The following PTPN4 variants were observed in gnomAD, a reference collection of about 807,000 sequenced individuals.
PTPN4 encodes the protein protein tyrosine phosphatase non-receptor type 4, also known as tyrosine-protein phosphatase non-receptor type 4.
Under a neutral mutation model 135.5 loss-of-function variants are expected in PTPN4, and 49 were observed. That is an observed-to-expected ratio of 0.36 (90% CI 0.29 to 0.46). The LOEUF (loss-of-function observed/expected upper bound fraction) is 0.46, where lower values mean the gene tolerates loss of function less well. Ranked by LOEUF, PTPN4 falls within the 20% of genes least tolerant of loss-of-function variation. The pLI, the probability that PTPN4 is intolerant of heterozygous loss-of-function variation, is 1.00. For synonymous variants in PTPN4, 333 were observed against 369.9 expected, an observed-to-expected ratio of 0.90 and a Z score of 1.14; for missense variants, 860 against 1,101.0, an observed-to-expected ratio of 0.78 and a Z score of 3.10.
chr2:119,928,981 AT>A (rs1160214290), intron 13 of PTPN4, among the ~76,000 whole-genome samples: 8 of 152,092 alleles, frequency 5.3e-5, no homozygotes, highest in Non-Finnish European at 1.2e-4. Flanking sequence ...TTAGTTGTTC[AT>A]TTTGTGTATT....
At chr2:119,799,243 C>G (rs1026868360) in intron 1 of PTPN4, among the ~76,000 whole-genome samples, 2 of 152,148 alleles carry the variant, frequency 1.3e-5, no homozygotes, top group African/African-American at 4.8e-5. Context: ...TATTTTTAAC[C>G]TCCATAAGTG....
chr2:119,892,949 A>G (rs1436950264), intron 9 of PTPN4, among the ~76,000 whole-genome samples: 2 of 151,706 alleles, frequency 1.3e-5, no homozygotes, highest in Admixed American at 6.6e-5. Flanking sequence ...GCTGATCTCA[A>G]ACTTCTCAGC....
intron 3 of PTPN4, among the ~76,000 whole-genome samples, chr2:119,864,128 G>T (rs1320595627): frequency 6.6e-6 from 1 of 152,114 alleles, no homozygotes; most frequent in Non-Finnish European, 1.5e-5. Flanking sequence ...TGCAAAAATT[G>T]TTCTTCAGGA....
chr2:119,762,403 A>G (rs1180836869), intron 1 of PTPN4, among the ~76,000 whole-genome samples: 1 of 152,150 alleles, frequency 6.6e-6, no homozygotes, highest in Non-Finnish European at 1.5e-5. Flanking sequence ...GTATTTTTAA[A>G]ATAGTTTTGT....
Position 119,982,543 on chromosome 2 carries a change from G to A in PTPN4, c.*5473G>A, listed in dbSNP as rs1348753386. The A allele has an allele frequency of 2.0e-5, 3 of 152,070 alleles. No homozygotes were observed. The highest frequency in any genetic ancestry group is 4.4e-5 in the Non-Finnish European group (3 of 68,008). 9.4% of individuals were successfully genotyped at this position (152,070 alleles called of 1,614,324 possible). On this transcript the variant is annotated 3_prime_UTR_variant, in exon 27 of 27. Transcript: ENST00000263708. ...TATAATGTACATTCTTTTTCATTTT[G>A]CTTTGCCTCTAGAATAGAAACTTTT...
At chr2:119,823,385 C>T (rs1005104795) in intron 2 of PTPN4, among the ~76,000 whole-genome samples, 1 of 152,116 alleles carries the variant, frequency 6.6e-6, no homozygotes, top group African/African-American at 2.4e-5. Context: ...CAGGTGCCCG[C>T]CACCACGCCC....
chr2:119,893,852 T>C (rs1574391506), intron 9 of PTPN4, among the ~76,000 whole-genome samples: 1 of 151,912 alleles, frequency 6.6e-6, no homozygotes, highest in African/African-American at 2.4e-5. Flanking sequence ...TGGTGACTTT[T>C]CAAGAGCAGT....
intron 22 of PTPN4, among the ~76,000 whole-genome samples, chr2:119,957,510 C>T (rs1268258309): frequency 2.0e-5 from 3 of 151,874 alleles, no homozygotes; most frequent in African/African-American, 7.3e-5. Context: ...CACCTCCCAC[C>T]CTCCCAACCC....
In PTPN4 at chr2:119,982,456, T is replaced by C. The variant is rs1326543823; in HGVS notation, c.*5386T>C. ...GAGTATTACACTTCATTGTACAAAA[T>C]GTAATTTTAGAAGAAAAACATTTTC... On this transcript the variant is annotated 3_prime_UTR_variant, in exon 27 of 27. Coordinates refer to ENST00000263708, the MANE Select transcript of PTPN4 (RefSeq NM_002830.4). 4 of 85,804 alleles carry C rather than the reference T, an allele frequency of 4.7e-5. No individual in the cohort carries two copies. In the East Asian group the frequency reaches 1.0e-3, roughly 22 times the overall value. The allele number at this position is 85,804 out of a possible 1,614,324, so 5.3% of individuals were successfully genotyped here. A position where few individuals can be genotyped will look rare whatever the true frequency, so the allele number is the denominator to read the frequency against.
At chr2:119,844,332 G>A (rs1304724980) in intron 2 of PTPN4, among the ~76,000 whole-genome samples, 1 of 101,880 alleles carries the variant, frequency 9.8e-6, no homozygotes, top group African/African-American at 4.2e-5. Flanking sequence ...CGGGGCGGCT[G>A]GCCGGGCGGG....
At chr2:119,928,290 C>T (rs955501217) in intron 13 of PTPN4, among the ~76,000 whole-genome samples, 1 of 152,034 alleles carries the variant, frequency 6.6e-6, no homozygotes, top group African/African-American at 2.4e-5. Flanking sequence ...AGCCACGTCC[C>T]TGCCTCCAGA....
intron 24 of PTPN4, among the ~76,000 whole-genome samples, chr2:119,964,788 CTTT>C (rs1006259331): frequency 6.6e-6 from 1 of 152,078 alleles, no homozygotes; most frequent in Non-Finnish European, 1.5e-5. Flanking sequence ...TTATACATAA[CTTT>C]TGGTGGAGAA....
At chr2:119,901,274 A>T (rs754769522) in intron 10 of PTPN4, among the ~76,000 whole-genome samples, 1 of 152,224 alleles carries the variant, frequency 6.6e-6, no homozygotes. Flanking sequence ...TAATTACAGG[A>T]TGAAAGAATG....
chr2:119,975,445 T>C (rs927135426), intron 26 of PTPN4, among the ~76,000 whole-genome samples: 1 of 152,182 alleles, frequency 6.6e-6, no homozygotes, highest in Non-Finnish European at 1.5e-5. Context: ...CCTTCAGGGA[T>C]GGGTGCGGTG....
intron 1 of PTPN4, among the ~76,000 whole-genome samples, chr2:119,790,955 C>T (rs1691133831): frequency 6.6e-6 from 1 of 152,118 alleles, no homozygotes. Context: ...ATAGCACATC[C>T]TCCTTTCCCC....
At chr2:119,782,974 G>A (rs151165886) in intron 1 of PTPN4, among the ~76,000 whole-genome samples, 6 of 148,524 alleles carry the variant, frequency 4.0e-5, no homozygotes, top group African/African-American at 1.5e-4. Context: ...TTACAGGTGT[G>A]AGCCACCACG....
chr2:119,866,575 A>C lies in PTPN4; in HGVS notation c.246+3932A>C, dbSNP rs531104524. On this transcript the variant is annotated intron_variant, in intron 3 of 26. Coordinates refer to ENST00000263708, the MANE Select transcript of PTPN4 (RefSeq NM_002830.4). Reference sequence around the variant, plus strand: ...CTTGTATCACTAATGCTGCTAGTCCAAGGAACTATATTATGAAAATCACTA... The same window carrying C: ...CTTGTATCACTAATGCTGCTAGTCCCAGGAACTATATTATGAAAATCACTA... Among the ~76,000 whole-genome samples, 3 of 152,256 alleles carry C rather than the reference A, an allele frequency of 2.0e-5. 1 individual carries two copies. In the South Asian group the frequency reaches 6.2e-4, roughly 32 times the overall value.
chr2:119,911,133 A>G (rs1266261691), intron 10 of PTPN4, among the ~76,000 whole-genome samples: 2 of 152,172 alleles, frequency 1.3e-5, no homozygotes, highest in African/African-American at 4.8e-5. Context: ...AAGCTCTTTT[A>G]GACAATAAAG....
chr2:119,866,144 A>G (rs1209711802), intron 3 of PTPN4, among the ~76,000 whole-genome samples: 1 of 152,044 alleles, frequency 6.6e-6, no homozygotes, highest in East Asian at 1.9e-4. Context: ...ATTATGCATT[A>G]TTTCTTTAAT....
Sources: allele counts gnomAD v4.1 joint callset (sites outside exome capture counted in the v4.1 genomes callset), GRCh38; gene constraint gnomAD v4.1.1; transcripts MANE v1.5; gene names NCBI Gene and HGNC (gene_info 2026-07-23, HGNC 2026-07-21).